Variants in FRMD6 observed in about 807,000 individuals in gnomAD.
The protein encoded by FRMD6 is FERM domain-containing protein 6.
In FRMD6, 37 loss-of-function variants were observed where a neutral mutation model predicts 73.2. That is an observed-to-expected ratio of 0.51 (90% CI 0.39 to 0.66). The LOEUF (loss-of-function observed/expected upper bound fraction) is 0.66, where lower values mean the gene tolerates loss of function less well. Ranked by LOEUF, FRMD6 falls within the 30% of genes least tolerant of loss-of-function variation. The pLI, the probability that FRMD6 is intolerant of heterozygous loss-of-function variation, is 0.00. For missense variants in FRMD6, 714 were observed against 780.5 expected, an observed-to-expected ratio of 0.91 and a Z score of 1.02; for synonymous variants, 273 against 282.2, an observed-to-expected ratio of 0.97 and a Z score of 0.33.
At chr14:51,659,299 C>T (rs1009580360) in intron 1 of FRMD6, among the ~76,000 whole-genome samples, 1 of 152,156 alleles carries the variant, frequency 6.6e-6, no homozygotes, top group Non-Finnish European at 1.5e-5. Context: ...ATGGCATGGT[C>T]TTTGATATAT....
At chr14:51,707,995 A>C (rs1179407045) in intron 6 of FRMD6, 83 bp from the exon 7 acceptor site, 1 of 1,353,522 alleles carries the variant, frequency 7.4e-7, no homozygotes, top group East Asian at 2.3e-5. Flanking sequence ...TTAGCTTCTC[A>C]TTCTTTCATC....
At chr14:51,598,959 G>C (rs1889869353) in intron 2 of FRMD6, among the ~76,000 whole-genome samples, 1 of 149,972 alleles carries the variant, frequency 6.7e-6, no homozygotes, top group African/African-American at 2.4e-5. Flanking sequence ...AGTTCTTTAA[G>C]AAATCTCCAA....
At chr14:51,648,364 C>G (rs1892174130), upstream of FRMD6, among the ~76,000 whole-genome samples, 1 of 152,186 alleles carries the variant, frequency 6.6e-6, no homozygotes, top group Non-Finnish European at 1.5e-5. Flanking sequence ...AAGCATGGCT[C>G]TGTGTGCTTG....
intron 1 of FRMD6, among the ~76,000 whole-genome samples, chr14:51,551,209 C>T (rs143341974): frequency 1.1e-4 from 16 of 152,260 alleles, no homozygotes; most frequent in Non-Finnish European, 2.1e-4. Context: ...TTGAAAACAC[C>T]GGAATCCAGA....
intron 2 of FRMD6, among the ~76,000 whole-genome samples, chr14:51,628,877 C>CTTTTTTTTTTTTTTTTT (rs371915919): frequency 6.3e-5 from 6 of 95,302 alleles, no homozygotes; most frequent in Admixed American, 1.5e-4. Flanking sequence ...CTTTTCTTTT[C>CTTTTTTTTTTTTTTTTT]TTTTTTTTTT....
intron 1 of FRMD6, among the ~76,000 whole-genome samples, chr14:51,504,182 T>C (rs1190023922): frequency 6.6e-6 from 1 of 152,242 alleles, no homozygotes; most frequent in Non-Finnish European, 1.5e-5. Flanking sequence ...TACTCTACCA[T>C]AGGGCTGCTG....
chr14:51,509,475 G>C (rs935307562), intron 1 of FRMD6, among the ~76,000 whole-genome samples: 25 of 151,864 alleles, frequency 1.6e-4, no homozygotes, highest in Middle Eastern at 3.2e-3. Flanking sequence ...TGCAGTGAGC[G>C]GAGATTGCGC....
intron 2 of FRMD6, among the ~76,000 whole-genome samples, chr14:51,578,528 T>G (rs1888529059): frequency 6.6e-6 from 1 of 152,262 alleles, no homozygotes; most frequent in African/African-American, 2.4e-5. Context: ...TTATTCGCTC[T>G]GGTTCTCACC....
At chr14:51,660,820 C>T (rs1190701733) in intron 1 of FRMD6, among the ~76,000 whole-genome samples, 1 of 151,944 alleles carries the variant, frequency 6.6e-6, no homozygotes, top group Admixed American at 6.6e-5. Flanking sequence ...AGGTAGGCCT[C>T]ACTGAGAAGA....
At chr14:51,706,302 G>A (rs1270899899) in intron 6 of FRMD6, among the ~76,000 whole-genome samples, 3 of 151,980 alleles carry the variant, frequency 2.0e-5, no homozygotes, top group Non-Finnish European at 2.9e-5. Flanking sequence ...TTCTAGGTTC[G>A]TGTTCTCAGC....
At position 51,727,855 on chromosome 14, in the gene FRMD6, T is replaced by C; in HGVS notation, c.1695T>C (p.Thr565=). The C allele has an allele frequency of 1.2e-6, 2 of 1,614,210 alleles. No homozygotes were observed. The highest frequency in any genetic ancestry group is 1.7e-6 in the Non-Finnish European group (2 of 1,180,032). ...FLRIAGLCQD[T]AQSYTFGCGH... is the part of the protein sequence containing the mutation. ...GCATTGCAGGTCTGTGTCAGGACAC[T>C]GCTCAGAGTTACACCTTTGGATGTG... The change falls in exon 14 of 14, where the codon ACT becomes ACC. Residue 565 remains threonine (T), a synonymous_variant. Transcript: ENST00000344768.
the FRMD6 span, among the ~76,000 whole-genome samples, chr14:51,455,696 C>G: frequency 6.6e-6 from 1 of 152,060 alleles, no homozygotes; most frequent in African/African-American, 2.4e-5. Flanking sequence ...GCTTCAAACT[C>G]AGGGTTAATA....
intron 2 of FRMD6, among the ~76,000 whole-genome samples, chr14:51,602,325 C>T (rs1890072454): frequency 6.6e-6 from 1 of 152,096 alleles, no homozygotes; most frequent in African/African-American, 2.4e-5. Flanking sequence ...AGAATTCTCA[C>T]AATCCTATAA....
intron 2 of FRMD6, among the ~76,000 whole-genome samples, chr14:51,587,982 A>G (rs1889152625): frequency 6.6e-6 from 1 of 151,952 alleles, no homozygotes; most frequent in Non-Finnish European, 1.5e-5. Context: ...TTGGATTAGG[A>G]TTTTAGCTAT....
chr14:51,708,390 G>A (rs746461401), intron 7 of FRMD6, 157 bp downstream of exon 7: 93 of 711,024 alleles, frequency 1.3e-4, no homozygotes, highest in African/African-American at 2.7e-4. Context: ...GTTATCGCAC[G>A]TCAGTCTTGG....
At chr14:51,632,982 T>C (rs2139987941) in intron 2 of FRMD6, among the ~76,000 whole-genome samples, 1 of 152,368 alleles carries the variant, frequency 6.6e-6, no homozygotes, top group East Asian at 1.9e-4. Flanking sequence ...TTATGGTATC[T>C]GGTTATATAA....
chr14:51,498,751 C>T (rs569706213), intron 1 of FRMD6, among the ~76,000 whole-genome samples: 25 of 152,272 alleles, frequency 1.6e-4, no homozygotes, highest in African/African-American at 4.8e-4. Context: ...TCATTCCATC[C>T]ACGTGACGAA....
At position 51,727,783 on chromosome 14, in the gene FRMD6, C is replaced by G. The variant is rs772187612; in HGVS notation, c.1623C>G (p.His541Gln). 1 of 1,611,630 alleles carries G rather than the reference C, an allele frequency of 6.2e-7. No homozygotes were observed. Among genetic ancestry groups the G allele is most frequent in the Non-Finnish European group, 8.5e-7 (1 of 1,177,840 alleles). ...AACCAAAGACCTCCACTGATCGACACAGCTTGAGCCTCGATGACATCAGAC... is the reference window on the plus strand; with the variant it reads ...AACCAAAGACCTCCACTGATCGACAGAGCTTGAGCCTCGATGACATCAGAC... ...CRKPKTSTDR[H>Q]SLSLDDIRLY... is the part of the protein sequence containing the mutation. The change falls in exon 14 of 14, where the codon CAC becomes CAG. Residue 541 changes from histidine (H) to glutamine (Q), a missense_variant. Physicochemically the swap from His to Gln is conservative, Grantham distance 24. Transcript: ENST00000344768.
intron 2 of FRMD6, among the ~76,000 whole-genome samples, chr14:51,595,226 T>A (rs780894759): frequency 6.6e-6 from 1 of 152,202 alleles, no homozygotes; most frequent in Non-Finnish European, 1.5e-5. Flanking sequence ...TCTGAGTGCC[T>A]GGAATTCTGA....
Sources: gnomAD v4.1 joint callset for allele counts (sites outside exome capture counted in the v4.1 genomes callset) on GRCh38, gnomAD v4.1.1 for gene constraint, MANE v1.5 for transcripts, NCBI Gene and HGNC (gene_info 2026-07-23, HGNC 2026-07-21) for gene names.